Variants in KDM4B observed in about 807,000 individuals in gnomAD.
The protein encoded by KDM4B is lysine-specific demethylase 4B.
Under a neutral mutation model 125.2 loss-of-function variants are expected in KDM4B, and 32 were observed. That is an observed-to-expected ratio of 0.26 (90% CI 0.19 to 0.34). KDM4B has a LOEUF of 0.34. KDM4B is among the 10% of genes least tolerant of loss of function. The pLI, the probability that KDM4B is intolerant of heterozygous loss-of-function variation, is 1.00. For synonymous variants in KDM4B, 721 were observed against 677.9 expected, an observed-to-expected ratio of 1.06 and a Z score of -0.99; for missense variants, 1,190 against 1,577.7, an observed-to-expected ratio of 0.75 and a Z score of 4.16.
rs145997983 is a variant in KDM4B, at chr19:5,142,093, C to T, written c.2551-1874C>T. On this transcript the variant is annotated intron_variant, in intron 18 of 22. Transcript: ENST00000159111. This position sits in a 1 kb window ranked among gnomAD's most constrained non-coding sequence, Gnocchi z 5.4. The stretch of plus-strand genomic sequence containing the variant: ...GTACCTAGCGGTGACCACCTGCTTC[C>T]TCCAGGCCGTGGTGCTCTGCAGACC... Among the ~76,000 whole-genome samples the T allele has an allele frequency of 8.5e-5, 13 of 152,316 alleles. No homozygotes were observed. Among genetic ancestry groups the T allele is most frequent in the African/African-American group, 2.4e-4 (10 of 41,566 alleles).
chr19:5,150,377 C>T lies in KDM4B; in HGVS notation c.3041C>T (p.Ser1014Phe). 3 of 1,551,330 alleles carry T rather than the reference C, an allele frequency of 1.9e-6. No individual in the cohort carries two copies. Among genetic ancestry groups the T allele is most frequent in the Non-Finnish European group, 2.6e-6 (3 of 1,146,928 alleles). The change falls in exon 22 of 23, where the codon TCC becomes TTC. Residue 1014 changes from serine to phenylalanine, a missense_variant. Around this residue, in one of 7 missense-constraint regions of KDM4B, gnomAD observed 298 missense variants for 439.7 expected, o/e 0.68. Transcript: ENST00000159111. The stretch of plus-strand genomic sequence containing the variant: ...CTGCAGGTGGAGTTTGAGGACGGGT[C>T]CCAGCTGACGGTGAAGCGTGGGGAC... Reference protein sequence around the residue: ...HIYQVEFEDGSQLTVKRGDIF... With the variant: ...HIYQVEFEDGFQLTVKRGDIF...
chr19:5,052,445 G>T (rs1480898864), intron 6 of KDM4B, among the ~76,000 whole-genome samples: 1 of 152,154 alleles, frequency 6.6e-6, no homozygotes, highest in African/African-American at 2.4e-5. Context: ...CCGCAGGTGG[G>T]TGGAAGGCAG....
chr19:5,002,119 T>G (rs1036629936), intron 1 of KDM4B, among the ~76,000 whole-genome samples: 4 of 152,048 alleles, frequency 2.6e-5, no homozygotes, highest in African/African-American at 9.7e-5. Flanking sequence ...TGCCTCAGCC[T>G]CCTGAGTAGC....
rs571259701 is a variant in KDM4B, at chr19:4,997,012, G to A, written c.-108-19245G>A. On this transcript the variant is annotated intron_variant, in intron 1 of 22. Transcript: ENST00000159111. This position sits in a 1 kb window ranked among gnomAD's most constrained non-coding sequence, Gnocchi z 4.2. ...TGTTCCCTGTGGGCACAGCTGCATG[G>A]TTGGGCAGTGTGGGTCTGGGTGAGT... Among the ~76,000 whole-genome samples the A allele has an allele frequency of 5.3e-5, 8 of 152,142 alleles. No individual in the cohort carries two copies. The East Asian group carries it at 1.6e-3, about 29-fold the overall frequency.
At chr19:4,978,333 C>T (rs1041694757) in intron 1 of KDM4B, among the ~76,000 whole-genome samples, 10 of 151,570 alleles carry the variant, frequency 6.6e-5, no homozygotes, top group Admixed American at 2.6e-4. Context: ...GTGGTGAAAC[C>T]CCATCTCTAC....
intron 9 of KDM4B, among the ~76,000 whole-genome samples, chr19:5,103,609 C>T (rs2038979721): frequency 6.6e-6 from 1 of 152,200 alleles, no homozygotes; most frequent in Non-Finnish European, 1.5e-5. Context: ...CTGAACTCGA[C>T]GGCCATCAAT....
intron 11 of KDM4B, among the ~76,000 whole-genome samples, chr19:5,128,529 A>G (rs1366937374): frequency 2.6e-5 from 4 of 152,290 alleles, no homozygotes; most frequent in Admixed American, 2.6e-4. Flanking sequence ...ACGAAGGAAT[A>G]TTGGATTTCC....
intron 8 of KDM4B, among the ~76,000 whole-genome samples, chr19:5,080,356 GC>G (rs2038252284): frequency 6.6e-6 from 1 of 152,192 alleles, no homozygotes; most frequent in Non-Finnish European, 1.5e-5. Context: ...TGATCAGCAG[GC>G]CTGAGAACTC....
At chr19:5,015,158 G>A (rs1032982654) in intron 1 of KDM4B, among the ~76,000 whole-genome samples, 2 of 152,186 alleles carry the variant, frequency 1.3e-5, no homozygotes, top group Non-Finnish European at 2.9e-5. Flanking sequence ...AGCCAGCACC[G>A]GTGGAGCTCT....
intron 14 of KDM4B, 38 bp from the exon 15 acceptor site, chr19:5,135,301 C>T: frequency 6.8e-7 from 1 of 1,472,542 alleles, no homozygotes; most frequent in Non-Finnish European, 9.5e-7. Context: ...CTGCCCCACA[C>T]ATGGCTCTGT....
At chr19:5,017,399 C>T (rs2035926232) in intron 2 of KDM4B, among the ~76,000 whole-genome samples, 1 of 152,172 alleles carries the variant, frequency 6.6e-6, no homozygotes. Flanking sequence ...TCCCTGGTTG[C>T]CTTCTCCTCA....
intron 5 of KDM4B, among the ~76,000 whole-genome samples, chr19:5,043,735 A>G: frequency 7.4e-6 from 1 of 135,548 alleles, no homozygotes; most frequent in Non-Finnish European, 1.5e-5. Context: ...CGTGGTGTTT[A>G]TCGGAGTGGG....
intron 2 of KDM4B, among the ~76,000 whole-genome samples, chr19:5,018,807 G>A (rs567361968): frequency 4.6e-5 from 7 of 152,336 alleles, no homozygotes; most frequent in South Asian, 2.1e-4. Flanking sequence ...AAATGGGATC[G>A]CGCACTGTGT....
intron 2 of KDM4B, among the ~76,000 whole-genome samples, 172 bp downstream of exon 2, chr19:5,016,511 G>A (rs2035896860): frequency 6.6e-6 from 1 of 152,274 alleles, no homozygotes; most frequent in African/African-American, 2.4e-5. Context: ...GGCCATGGTA[G>A]GGAGGTTCTT....
chr19:5,003,042 AGTTCACCTC>A (rs1216988499), intron 1 of KDM4B, among the ~76,000 whole-genome samples: 4 of 152,130 alleles, frequency 2.6e-5, no homozygotes, highest in Non-Finnish European at 5.9e-5. Context: ...GCTGGAGAGG[AGTTCACCTC>A]GTTTTTTTCT....
At chr19:5,149,984 C>G (rs1193970062) in intron 21 of KDM4B, among the ~76,000 whole-genome samples, 1 of 152,184 alleles carries the variant, frequency 6.6e-6, no homozygotes. Flanking sequence ...CGCCTCCTGC[C>G]TGGCTCTGTG....
rs2038275751 is a variant in KDM4B, at chr19:5,081,003, G to A, written c.781-1364G>A. The A allele has an allele frequency of 1.3e-5, 2 of 152,238 alleles. No individual in the cohort carries two copies. The highest frequency in any genetic ancestry group is 4.1e-4 in the South Asian group (2 of 4,826). The allele number at this position is 152,238 out of a possible 1,614,324, so 9.4% of individuals were successfully genotyped here. Reference sequence around the variant, plus strand: ...ACCACTAGGAGGGAACGAGGTCTGTGGTGACTGAGAGCGCGTGCGTGGTTC... The same window carrying A: ...ACCACTAGGAGGGAACGAGGTCTGTAGTGACTGAGAGCGCGTGCGTGGTTC... On this transcript the variant is annotated intron_variant, in intron 8 of 22. Coordinates refer to ENST00000159111, the MANE Select transcript of KDM4B (RefSeq NM_015015.3). The surrounding 1 kb of genome is among the most constrained non-coding windows in gnomAD (Gnocchi z 4.2).
intron 4 of KDM4B, 81 bp from the exon 5 acceptor site, chr19:5,041,056 C>T (rs2036799422): frequency 1.1e-6 from 1 of 883,860 alleles, no homozygotes; most frequent in Admixed American, 2.1e-5. Context: ...TCATGGGTGC[C>T]CTGGGTTCCA....
intron 5 of KDM4B, among the ~76,000 whole-genome samples, chr19:5,041,499 TCTGGCCTC>T (rs2036815816): frequency 6.6e-6 from 1 of 152,120 alleles, no homozygotes; most frequent in Non-Finnish European, 1.5e-5. Flanking sequence ...TGGCCCCACC[TCTGGCCTC>T]AGCAGCCGGC....
Sources: gnomAD v4.1 joint callset for allele counts (sites outside exome capture counted in the v4.1 genomes callset) on GRCh38, gnomAD v4.1.1 for gene constraint, gnomAD v4.1.1 regional missense constraint, Gnocchi (gnomAD v3.1) non-coding constraint, MANE v1.5 for transcripts, NCBI Gene and HGNC (gene_info 2026-07-23, HGNC 2026-07-21) for gene names.